The following NARS2 variants were observed in gnomAD, a reference collection of about 807,000 sequenced individuals.
NARS2 encodes asparaginyl-tRNA synthetase.
NARS2 carries 60 observed loss-of-function variants against 62.9 expected under a neutral mutation model. That is an observed-to-expected ratio of 0.95 (90% CI 0.77 to 1.18). The LOEUF (loss-of-function observed/expected upper bound fraction) is 1.18, where lower values mean the gene tolerates loss of function less well. NARS2 is among the 50% of genes most tolerant of loss of function. The pLI is 0.00. For synonymous variants in NARS2, 196 were observed against 200.0 expected (o/e 0.98, Z 0.17); for missense variants, 619 against 576.4 (o/e 1.07, Z -0.76).
intron 5 of NARS2, among the ~76,000 whole-genome samples, chr11:78,535,188 T>C (rs993694856): frequency 6.6e-6 from 1 of 152,222 alleles, no homozygotes; most frequent in African/African-American, 2.4e-5. Flanking sequence ...GATAGTGTGA[T>C]GTGAATATAT....
intron 6 of NARS2, among the ~76,000 whole-genome samples, chr11:78,506,912 T>C (rs1169982965): frequency 6.6e-6 from 1 of 152,148 alleles, no homozygotes; most frequent in Non-Finnish European, 1.5e-5. Context: ...TACAGTAAAT[T>C]GTAGTTAGTT....
chr11:78,528,918 C>A lies in NARS2; in HGVS notation c.613G>T (p.Val205Leu), dbSNP rs746780364. The A allele has an allele frequency of 3.7e-6, 6 of 1,611,092 alleles. No individual in the cohort carries two copies. The African/African-American group carries it at 5.3e-5, about 14-fold the overall frequency. Residue 205 changes from valine (V) to leucine (L), a missense_variant, in exon 6 of 14, where the codon GTA (valine) becomes TTA (leucine). Val to Leu is a conservative substitution (Grantham distance 32, BLOSUM62 1). Coordinates refer to ENST00000281038, the MANE Select transcript of NARS2 (RefSeq NM_024678.6). ...ACATTGAAGAAATTCTCCTCAGGTA[C>A]CTTAAGTTTGCCTGAAGGCTGCAAA... ...FQLEPSGKLK[V>L]PEENFFNVPA... is the part of the protein sequence containing the mutation.
intron 7 of NARS2, among the ~76,000 whole-genome samples, chr11:78,484,812 G>A (rs182715444): frequency 3.5e-4 from 53 of 152,326 alleles, no homozygotes; most frequent in East Asian, 3.1e-3. Flanking sequence ...CAACCACTGC[G>A]AAGACAGTGT....
chr11:78,552,172 T>G (rs1856149180), intron 5 of NARS2, among the ~76,000 whole-genome samples: 1 of 152,148 alleles, frequency 6.6e-6, no homozygotes, highest in Admixed American at 6.5e-5. Flanking sequence ...AAGACACCAG[T>G]GTCTGTTGTT....
intron 6 of NARS2, among the ~76,000 whole-genome samples, chr11:78,505,248 T>C (rs1220970461): frequency 6.9e-6 from 1 of 144,592 alleles, no homozygotes; most frequent in Non-Finnish European, 1.5e-5. Flanking sequence ...AATGAAACCT[T>C]GTCTCTTAAA....
chr11:78,502,985 C>CTCT (rs759879777), intron 6 of NARS2, among the ~76,000 whole-genome samples: 8 of 8,060 alleles, frequency 9.9e-4, no homozygotes, highest in Non-Finnish European at 3.3e-3. Context: ...CAGAGTGAGA[C>CTCT]TGTCTCAAAA....
chr11:78,449,606 G>A (rs1340035467), intron 11 of NARS2, among the ~76,000 whole-genome samples: 7 of 152,076 alleles, frequency 4.6e-5, no homozygotes, highest in African/African-American at 1.4e-4. Context: ...AGTCAGGATA[G>A]GCTAGGCTAA....
chr11:78,519,168 T>A (rs1452230422), intron 6 of NARS2, among the ~76,000 whole-genome samples: 1 of 152,196 alleles, frequency 6.6e-6, no homozygotes, highest in East Asian at 1.9e-4. Context: ...ATGATGACAT[T>A]CCCACCACAG....
chr11:78,487,689 A>C (rs1039094780), intron 7 of NARS2, among the ~76,000 whole-genome samples: 1 of 152,204 alleles, frequency 6.6e-6, no homozygotes, highest in African/African-American at 2.4e-5. Flanking sequence ...AAAGAAAAAA[A>C]TCTTGAAAGA....
chr11:78,474,916 T>C (rs1859023688), intron 9 of NARS2, among the ~76,000 whole-genome samples: 1 of 152,174 alleles, frequency 6.6e-6, no homozygotes, highest in Non-Finnish European at 1.5e-5. Flanking sequence ...CTTCACTTTT[T>C]TTTTTGCAGT....
At chr11:78,468,816 G>C (rs1270562917) in intron 10 of NARS2, among the ~76,000 whole-genome samples, 14 of 137,988 alleles carry the variant, frequency 1.0e-4, no homozygotes, top group Non-Finnish European at 1.5e-5. Context: ...TTTTTGGGTA[G>C]AGACAGGGTC....
rs890043899 is a variant in NARS2, at chr11:78,459,248, T to C, written c.1164+6628A>G. Among the ~76,000 whole-genome samples the C allele has an allele frequency of 3.0e-4, 44 of 148,326 alleles. 3 individuals carry two copies. The highest frequency in any genetic ancestry group is 9.2e-4 in the African/African-American group (36 of 39,328). On this transcript the variant is annotated intron_variant, in intron 11 of 13. Transcript: ENST00000281038. ...ATCTGATGGTGGTTTTTTTTGTCGT[T>C]GTTTTTTTTTTGTTTTGTTTTGTTT...
At chr11:78,501,227 T>C (rs1024787764) in intron 6 of NARS2, among the ~76,000 whole-genome samples, 4 of 152,214 alleles carry the variant, frequency 2.6e-5, no homozygotes, top group African/African-American at 7.2e-5. Flanking sequence ...TTTACACTTT[T>C]ATAAGTTTCT....
At chr11:78,512,066 C>A (rs918742736) in intron 6 of NARS2, among the ~76,000 whole-genome samples, 1 of 152,212 alleles carries the variant, frequency 6.6e-6, no homozygotes, top group Non-Finnish European at 1.5e-5. Context: ...CATAGTGACA[C>A]CTCATTGCCA....
intron 7 of NARS2, among the ~76,000 whole-genome samples, chr11:78,480,653 T>C (rs1274147342): frequency 6.7e-6 from 1 of 150,262 alleles, no homozygotes; most frequent in Non-Finnish European, 1.5e-5. Flanking sequence ...CATGTGGCTA[T>C]TTAAGGCACT....
At chr11:78,461,577 G>C (rs1184088819) in intron 11 of NARS2, among the ~76,000 whole-genome samples, 2 of 111,522 alleles carry the variant, frequency 1.8e-5, no homozygotes, top group Non-Finnish European at 3.4e-5. Context: ...TAGGAGTATA[G>C]AATGAGTGGG....
intron 4 of NARS2, among the ~76,000 whole-genome samples, chr11:78,563,290 TCACTGCAA>T (rs1264724856): frequency 6.7e-6 from 1 of 150,048 alleles, no homozygotes; most frequent in African/African-American, 2.5e-5. Flanking sequence ...CAATCTCGGT[TCACTGCAA>T]CCTCCGCCTC....
intron 7 of NARS2, among the ~76,000 whole-genome samples, chr11:78,487,948 T>C (rs1287402641): frequency 6.6e-6 from 1 of 152,216 alleles, no homozygotes; most frequent in Non-Finnish European, 1.5e-5. Flanking sequence ...GGAAATTCTT[T>C]AGGCTGAAGC....
rs150883495 is a variant in NARS2 at position 78,509,978 on chromosome 11, T to C, written c.690-16783A>G. On this transcript the variant is annotated intron_variant, in intron 6 of 13. Transcript: ENST00000281038. ...ATGGTAACGACAAAGAAAATAGCTA[T>C]AGAATATATGCAAAAGAAAATAAGA... is the stretch of plus-strand genomic sequence containing the variant. 6.4e-3 allele frequency among the ~76,000 whole-genome samples: 967 copies of C among 152,152 alleles called. 5 individuals are homozygous for C. Among genetic ancestry groups the C allele is most frequent in the Middle Eastern group, 0.031 (9 of 294 alleles).
Sources: gnomAD v4.1 joint callset for allele counts (sites outside exome capture counted in the v4.1 genomes callset) on GRCh38, gnomAD v4.1.1 for gene constraint, MANE v1.5 for transcripts, NCBI Gene and HGNC (gene_info 2026-07-23, HGNC 2026-07-21) for gene names.